Variants in CD82 observed in about 807,000 individuals in gnomAD.
CD82 encodes the protein CD82 molecule.
In CD82, 36 loss-of-function variants were observed where a neutral mutation model predicts 37.4. The ratio of observed to expected loss-of-function variants is 0.96; its 90% CI spans 0.74 to 1.27. The LOEUF is 1.27. Ranked by LOEUF, CD82 falls within the 50% of genes most tolerant of loss-of-function variation. CD82 has a pLI of 0.00. For missense variants in CD82, 340 were observed against 347.0 expected (o/e 0.98, Z 0.16); for synonymous variants, 158 against 137.4 (o/e 1.15, Z -1.05).
At chr11:44,588,908 T>TGA (rs539459474) in intron 2 of CD82, among the ~76,000 whole-genome samples, 752 of 152,340 alleles carry the variant, frequency 4.9e-3, no homozygotes, top group Non-Finnish European at 7.6e-3. Context: ...ATTTCGTCAA[T>TGA]TAAAATTGTA....
At chr11:44,590,444 A>G (rs1398101863) in intron 2 of CD82, among the ~76,000 whole-genome samples, 1 of 151,314 alleles carries the variant, frequency 6.6e-6, no homozygotes, top group Non-Finnish European at 1.5e-5. Flanking sequence ...CGTCTCTACT[A>G]AAAATACAAA....
intron 7 of CD82, among the ~76,000 whole-genome samples, chr11:44,615,827 T>C (rs970183558): frequency 6.6e-6 from 1 of 152,232 alleles, no homozygotes; most frequent in African/African-American, 2.4e-5. Flanking sequence ...TTCGCCAGTA[T>C]GTGCACATAC....
chr11:44,594,488 AT>A lies in CD82; in HGVS notation c.-20-152del, dbSNP rs531055657. On this transcript the variant is annotated intron_variant, in intron 2 of 9. Coordinates refer to ENST00000227155, the MANE Select transcript of CD82 (RefSeq NM_002231.4). ...CACACAAGACTGCTCGTGGGACCTC[AT>A]TTCCTAGCTGTGTGGCTTTGGGCTA... Among the ~76,000 whole-genome samples the A allele has an allele frequency of 2.0e-5, 3 of 152,122 alleles. No homozygotes were observed. In the South Asian group the frequency reaches 6.2e-4, roughly 32 times the overall value.
chr11:44,588,052 G>T (rs572492189), intron 2 of CD82, among the ~76,000 whole-genome samples: 13 of 152,264 alleles, frequency 8.5e-5, no homozygotes, highest in African/African-American at 3.1e-4. Flanking sequence ...CAGTCTTCCC[G>T]TCAAGGTATC....
intron 1 of CD82, among the ~76,000 whole-genome samples, chr11:44,575,334 C>G (rs887288695): frequency 6.6e-6 from 1 of 152,198 alleles, no homozygotes; most frequent in Non-Finnish European, 1.5e-5. Context: ...ATTTAATGAC[C>G]TCTCCCCACA....
At chr11:44,569,839 C>T (rs761508044) in intron 1 of CD82, among the ~76,000 whole-genome samples, 2 of 150,370 alleles carry the variant, frequency 1.3e-5, no homozygotes, top group East Asian at 2.0e-4. Context: ...TTTCTGGCTA[C>T]GTGACTCTTT....
intron 7 of CD82, 57 bp from the exon 8 acceptor site, chr11:44,618,105 G>A: frequency 1.3e-6 from 2 of 1,535,806 alleles, no homozygotes; most frequent in African/African-American, 2.7e-5. Context: ...CTGCCAGGAG[G>A]GCAGCCTGCC....
At chr11:44,602,226 T>A (rs534391223) in intron 4 of CD82, among the ~76,000 whole-genome samples, 1 of 152,286 alleles carries the variant, frequency 6.6e-6, no homozygotes, top group Non-Finnish European at 1.5e-5. Flanking sequence ...CACTTTGCAA[T>A]GAAGAGCAGA....
chr11:44,603,977 C>A (rs1054751155), intron 4 of CD82, among the ~76,000 whole-genome samples: 3 of 152,240 alleles, frequency 2.0e-5, no homozygotes, highest in African/African-American at 7.2e-5. Flanking sequence ...TGTTCCCTGC[C>A]TGGAATGCTT....
chr11:44,575,974 C>T (rs551161642), intron 1 of CD82, among the ~76,000 whole-genome samples: 19 of 152,326 alleles, frequency 1.2e-4, no homozygotes, highest in African/African-American at 4.1e-4. Flanking sequence ...AGGTCTGGTG[C>T]GGAAGCAGAG....
intron 4 of CD82, chr11:44,604,849 G>A: frequency 1.6e-6 from 1 of 629,326 alleles, no homozygotes; most frequent in Non-Finnish European, 2.8e-6. Context: ...GGCTGGATGA[G>A]GGTGTGGATT....
intron 1 of CD82, among the ~76,000 whole-genome samples, chr11:44,574,537 A>T (rs1030733452): frequency 2.6e-4 from 39 of 152,162 alleles, no homozygotes; most frequent in Admixed American, 5.2e-4. Flanking sequence ...TTTTCTTTTA[A>T]AAACTTTATC....
At chr11:44,566,501 G>A (rs906266138) in intron 1 of CD82, among the ~76,000 whole-genome samples, 3 of 152,208 alleles carry the variant, frequency 2.0e-5, no homozygotes, top group African/African-American at 7.2e-5. Context: ...TTCTGTTCCT[G>A]GAGGTGGTGG....
At chr11:44,572,065 T>G (rs796972176) in intron 1 of CD82, among the ~76,000 whole-genome samples, 8 of 152,246 alleles carry the variant, frequency 5.3e-5, no homozygotes, top group African/African-American at 1.9e-4. Context: ...GTGAGGCACA[T>G]GTGATGCCAC....
At chr11:44,582,750 C>G (rs1050409595) in intron 1 of CD82, among the ~76,000 whole-genome samples, 16 of 152,250 alleles carry the variant, frequency 1.1e-4, no homozygotes, top group African/African-American at 3.6e-4. Context: ...CTCTTTAGCT[C>G]CTAAATATCC....
chr11:44,599,736 G>A (rs1853279458), intron 3 of CD82, among the ~76,000 whole-genome samples: 1 of 152,262 alleles, frequency 6.6e-6, no homozygotes, highest in South Asian at 2.1e-4. Flanking sequence ...TTCAGACCTG[G>A]GGATGAGTTG....
At chr11:44,610,766 C>T (rs528729631) in intron 6 of CD82, among the ~76,000 whole-genome samples, 1 of 152,334 alleles carries the variant, frequency 6.6e-6, no homozygotes, top group East Asian at 1.9e-4. Context: ...GAAGACAGGG[C>T]TGGCTTCCTC....
chr11:44,586,152 T>C (rs1853051347), intron 1 of CD82, among the ~76,000 whole-genome samples: 1 of 152,164 alleles, frequency 6.6e-6, no homozygotes. Context: ...GAAACCCTGA[T>C]GCCCAGGCTG....
intron 1 of CD82, among the ~76,000 whole-genome samples, chr11:44,579,218 G>T (rs914462873): frequency 4.6e-5 from 7 of 152,192 alleles, no homozygotes; most frequent in African/African-American, 1.7e-4. Flanking sequence ...GCTGGGGAAG[G>T]GTCATTGTTA....
Sources: gnomAD v4.1 joint callset for allele counts (sites outside exome capture counted in the v4.1 genomes callset) on GRCh38, gnomAD v4.1.1 for gene constraint, MANE v1.5 for transcripts, NCBI Gene and HGNC (gene_info 2026-07-23, HGNC 2026-07-21) for gene names.